The following FGF13 variants were observed in gnomAD, a reference collection of about 807,000 sequenced individuals.
FGF13 encodes the protein fibroblast growth factor homologous factor 2.
In FGF13, 2 loss-of-function variants were observed where a neutral mutation model predicts 19.5. That is an observed-to-expected ratio of 0.10 (90% CI 0.04 to 0.32). FGF13 has a LOEUF of 0.32. FGF13 is among the 10% of genes least tolerant of loss of function. The pLI is 1.00. For synonymous variants in FGF13, 72 were observed against 76.9 expected (o/e 0.94, Z 0.33); for missense variants, 113 against 192.7 (o/e 0.59, Z 2.45).
chrX:139,038,763 T>A lies in FGF13; in HGVS notation c.-113+164653A>T, dbSNP rs191898585. Among the ~76,000 whole-genome samples the A allele has an allele frequency of 3.8e-4, 43 of 111,881 alleles. No homozygotes were observed. In the East Asian group the frequency reaches 0.011, roughly 28 times the overall value. The stretch of plus-strand genomic sequence containing the variant: ...AGCACTGCTTATTTCCCTCATAAAA[T>A]TTTCACATCATTTCTAATCATATAA... On this transcript the variant is annotated intron_variant, in intron 1 of 2. Coordinates refer to the FGF13 transcript ENST00000421460.
At chrX:138,899,338 C>A (rs995111137) in intron 1 of FGF13, among the ~76,000 whole-genome samples, 2 of 110,965 alleles carry the variant, frequency 1.8e-5, no homozygotes, top group African/African-American at 6.6e-5. Context: ...GGTTGTTAAG[C>A]CAATTACAAT....
At chrX:139,033,382 C>T (rs2092238004) in intron 1 of FGF13, among the ~76,000 whole-genome samples, 1 of 111,652 alleles carries the variant, frequency 9.0e-6, no homozygotes, top group Non-Finnish European at 1.9e-5. Flanking sequence ...CTTTCCTTGA[C>T]ATTTGGATTT....
In FGF13 at chrX:139,193,768, A is replaced by C. The variant is rs758454280; in HGVS notation, c.-113+9648T>G. Among the ~76,000 whole-genome samples, 7 of 111,656 alleles carry C rather than the reference A, an allele frequency of 6.3e-5. No homozygotes were observed. In the East Asian group the frequency reaches 1.7e-3, roughly 27 times the overall value. On this transcript the variant is annotated intron_variant, in intron 1 of 2. Coordinates refer to the FGF13 transcript ENST00000421460. ...TTATTATTATATCATTAATATAATT[A>C]TGTATTTCCACTATAGATAAAAATA...
intron 1 of FGF13, among the ~76,000 whole-genome samples, chrX:138,906,038 A>G (rs888245440): frequency 3.6e-5 from 4 of 111,516 alleles, no homozygotes; most frequent in African/African-American, 1.3e-4. Context: ...AGAGTTTTAC[A>G]GGGCCAGGTA....
chrX:139,170,195 A>G (rs2084119322), intron 1 of FGF13, among the ~76,000 whole-genome samples: 1 of 111,668 alleles, frequency 9.0e-6, no homozygotes, highest in Non-Finnish European at 1.9e-5. Flanking sequence ...TGTCTTGCCC[A>G]GACTCTCTCT....
At chrX:138,995,354 G>C (rs984581175) in intron 1 of FGF13, among the ~76,000 whole-genome samples, 5 of 110,794 alleles carry the variant, frequency 4.5e-5, no homozygotes, top group African/African-American at 1.6e-4. Flanking sequence ...TACACGTGAA[G>C]GTTTGTTACA....
intron 3 of FGF13, among the ~76,000 whole-genome samples, chrX:138,843,996 C>G (rs1465000751): frequency 8.9e-6 from 1 of 111,759 alleles, no homozygotes. Flanking sequence ...ATATTGTTAA[C>G]AGTTCTTCAC....
rs568646918 is a variant in FGF13, at chrX:138,899,922, G to A, written c.-112-35272C>T. Among the ~76,000 whole-genome samples the A allele has an allele frequency of 4.5e-5, 5 of 111,563 alleles. No homozygotes were observed. The South Asian group carries it at 1.9e-3, about 43-fold the overall frequency. On this transcript the variant is annotated intron_variant, in intron 1 of 2. Coordinates refer to the FGF13 transcript ENST00000421460. ...ATTTTTGGTCAGAAAATTAGAAATA[G>A]CACAGTTATGTACGTATATGAATAT...
chrX:138,701,686 G>C (rs1408472482), intron 3 of FGF13, among the ~76,000 whole-genome samples: 1 of 112,049 alleles, frequency 8.9e-6, no homozygotes, highest in East Asian at 2.8e-4. Flanking sequence ...GCCCTCTGGG[G>C]CCTTACTCTA....
intron 1 of FGF13, among the ~76,000 whole-genome samples, chrX:138,933,365 C>T (rs1354213193): frequency 8.9e-6 from 1 of 111,981 alleles, no homozygotes; most frequent in Non-Finnish European, 1.9e-5. Flanking sequence ...CATGGACACC[C>T]AGTGGCATGA....
rs1302030243 is a variant in FGF13, at chrX:138,927,798, G to A, written c.-112-63148C>T. Among the ~76,000 whole-genome samples, 3 of 111,724 alleles carry A rather than the reference G, an allele frequency of 2.7e-5. No individual in the cohort carries two copies. In the Admixed American group the frequency reaches 2.9e-4, roughly 11 times the overall value. On this transcript the variant is annotated intron_variant, in intron 1 of 2. Transcript: ENST00000421460. Reference sequence around the variant, plus strand: ...TATTACTTAGTACCAGCAAGGATGAGGTAGTCAGCCGCTACCATAGACTGG... The same window carrying A: ...TATTACTTAGTACCAGCAAGGATGAAGTAGTCAGCCGCTACCATAGACTGG...
At chrX:139,122,542 T>G (rs1248111456) in intron 1 of FGF13, among the ~76,000 whole-genome samples, 1 of 111,912 alleles carries the variant, frequency 8.9e-6, no homozygotes, top group Non-Finnish European at 1.9e-5. Context: ...ATTTGACACG[T>G]GAAATCTTTT....
At chrX:138,827,666 G>A (rs893695419) in intron 3 of FGF13, among the ~76,000 whole-genome samples, 2 of 111,672 alleles carry the variant, frequency 1.8e-5, no homozygotes, top group African/African-American at 6.5e-5. Flanking sequence ...AGCAGTTTGC[G>A]AGTGGCTAAA....
At chrX:139,025,765 C>T (rs2092198442) in intron 1 of FGF13, among the ~76,000 whole-genome samples, 1 of 111,062 alleles carries the variant, frequency 9.0e-6, no homozygotes, top group South Asian at 3.8e-4. Context: ...ACAATCTTCT[C>T]TCTTCCTTCC....
intron 1 of FGF13, among the ~76,000 whole-genome samples, chrX:139,076,679 A>C (rs1173225023): frequency 8.9e-6 from 1 of 112,079 alleles, no homozygotes; most frequent in Non-Finnish European, 1.9e-5. Flanking sequence ...TAATGCACAC[A>C]ACTAAACACT....
intron 1 of FGF13, among the ~76,000 whole-genome samples, chrX:138,733,574 A>G (rs1207020412): frequency 9.0e-6 from 1 of 111,541 alleles, no homozygotes; most frequent in Non-Finnish European, 1.9e-5. Context: ...TTCAGTGTTC[A>G]TTAATCACAA....
At chrX:139,152,314 T>C (rs867709860) in intron 1 of FGF13, among the ~76,000 whole-genome samples, 2 of 75,104 alleles carry the variant, frequency 2.7e-5, no homozygotes, top group African/African-American at 8.4e-5. Context: ...GTGATTAAGT[T>C]AAAAAAAAAA....
chrX:138,774,289 G>A (rs188122009), intron 3 of FGF13, among the ~76,000 whole-genome samples: 87 of 112,108 alleles, frequency 7.8e-4, no homozygotes, highest in African/African-American at 2.7e-3. Context: ...TAATGATGAT[G>A]ATGATGATGA....
chrX:139,003,298 T>TGGTCTCGC (rs778535190), intron 1 of FGF13, among the ~76,000 whole-genome samples: 99 of 111,011 alleles, frequency 8.9e-4, no homozygotes, highest in African/African-American at 3.2e-3. Flanking sequence ...GGTGGGCTTG[T>TGGTCTCGC]GGTCTCGCTG....
Sources: gnomAD v4.1 joint callset for allele counts (sites outside exome capture counted in the v4.1 genomes callset) on GRCh38, gnomAD v4.1.1 for gene constraint, MANE v1.5 for transcripts, NCBI Gene and HGNC (gene_info 2026-07-23, HGNC 2026-07-21) for gene names.